NHSL1: variants seen among roughly 807,000 people sequenced by gnomAD.
The protein encoded by NHSL1 is NHS like 1.
NHSL1 carries 48 observed loss-of-function variants against 95.0 expected under a neutral mutation model. That is an observed-to-expected ratio of 0.51 (90% CI 0.40 to 0.64). The LOEUF is 0.64. Among genes scored for constraint, NHSL1 ranks in the 30% least tolerant of loss-of-function variants. The pLI, the probability that NHSL1 is intolerant of heterozygous loss-of-function variation, is 0.00. For missense variants in NHSL1, 1,971 were observed against 2,077.7 expected, an observed-to-expected ratio of 0.95 and a Z score of 1.00; for synonymous variants, 783 against 833.9, an observed-to-expected ratio of 0.94 and a Z score of 1.05.
At chr6:138,496,485 G>T in intron 1 of NHSL1, 114 bp from the exon 2 acceptor site, 1 of 955,628 alleles carries the variant, frequency 1.0e-6, no homozygotes, top group Non-Finnish European at 1.6e-6. Context: ...CAGCAAGGGA[G>T]CAATGGAGCA....
At chr6:138,579,409 CAAAAGT>C (rs954268252) in intron 1 of NHSL1, among the ~76,000 whole-genome samples, 4 of 152,166 alleles carry the variant, frequency 2.6e-5, no homozygotes, top group African/African-American at 9.6e-5. Context: ...TCACAAAAAG[CAAAAGT>C]AAAATGTATA....
chr6:138,430,762 T>C lies in NHSL1; in HGVS notation c.3583A>G (p.Ile1195Val), dbSNP rs762785038. 3.2e-6 allele frequency: 5 copies of C among 1,551,336 alleles called. No individual in the cohort carries two copies. Among genetic ancestry groups the C allele is most frequent in the African/African-American group, 1.4e-5 (1 of 72,944 alleles). ...DSSPSRKPPP[I>V]SKKPKLFLVV... ...AGGAACAGTTTGGGCTTCTTGGAAA[T>C]GGGGGGTGGCTTCCTGCTGGGTGAA... Residue 1195 changes from isoleucine to valine, a missense_variant, in exon 6 of 8, where the codon ATT becomes GTT. By Grantham distance (29) the Ile-to-Val change is conservative. Around this residue, in one of 3 missense-constraint regions of NHSL1, gnomAD observed 1,602 missense variants for 1,654.5 expected, o/e 0.97. Transcript: ENST00000343505. The surrounding 1 kb of genome is among the most constrained non-coding windows in gnomAD (Gnocchi z 4.7).
At chr6:138,507,696 C>T (rs779592799) in intron 1 of NHSL1, among the ~76,000 whole-genome samples, 4 of 152,152 alleles carry the variant, frequency 2.6e-5, no homozygotes, top group Non-Finnish European at 4.4e-5. Flanking sequence ...AACTGTCCCA[C>T]GAATGTTATT....
intron 1 of NHSL1, among the ~76,000 whole-genome samples, chr6:138,683,268 T>C (rs1785537004): frequency 6.6e-6 from 1 of 152,146 alleles, no homozygotes; most frequent in African/African-American, 2.4e-5. Flanking sequence ...AGAGGTATTT[T>C]TGTGTTTATC....
chr6:138,675,524 A>G (rs1785437063), intron 1 of NHSL1, among the ~76,000 whole-genome samples: 1 of 151,736 alleles, frequency 6.6e-6, no homozygotes, highest in South Asian at 2.1e-4. Flanking sequence ...AAATTCTTAC[A>G]TTATTTATTT....
chr6:138,634,747 C>A (rs553113947), intron 1 of NHSL1, among the ~76,000 whole-genome samples: 39 of 151,920 alleles, frequency 2.6e-4, no homozygotes, highest in African/African-American at 9.4e-4. Flanking sequence ...AATACACATT[C>A]TTTTCCTTAT....
rs1422344867 is a variant in NHSL1 at position 138,433,197 on chromosome 6, T to C, written c.1148A>G (p.Lys383Arg). ...CTCGAAGTGTCTCAACTCCTGGGAT[T>C]TGGGTCTCAAAAGTGTTCCAGTCCC... The part of the protein sequence containing the change: ...ASGTGTLLRP[K>R]SQELRHFESE... The change falls in exon 6 of 8, where the codon AAA (lysine) becomes AGA (arginine). Residue 383 changes from lysine (K) to arginine (R), a missense_variant. By Grantham distance (26) the Lys-to-Arg change is conservative (BLOSUM62 2). Transcript: ENST00000343505. 6.4e-7 allele frequency: 1 copy of C among 1,551,122 alleles called. No individual in the cohort carries two copies. The highest frequency in any genetic ancestry group is 8.7e-7 in the Non-Finnish European group (1 of 1,146,694).
intron 1 of NHSL1, among the ~76,000 whole-genome samples, chr6:138,505,962 T>G (rs1259306348): frequency 1.3e-5 from 2 of 152,198 alleles, no homozygotes; most frequent in African/African-American, 4.8e-5. Flanking sequence ...TTAGATGTCA[T>G]CTTTATGCAT....
At chr6:138,602,466 G>A (rs754787347) in intron 1 of NHSL1, among the ~76,000 whole-genome samples, 120 of 152,018 alleles carry the variant, frequency 7.9e-4, no homozygotes, top group Middle Eastern at 6.8e-3. Flanking sequence ...CTCAGCCTCC[G>A]GAGTAGCTGG....
intron 3 of NHSL1, among the ~76,000 whole-genome samples, chr6:138,458,853 A>AT (rs1480087893): frequency 6.6e-6 from 1 of 150,414 alleles, no homozygotes; most frequent in African/African-American, 2.5e-5. Context: ...AAAAAAAAAA[A>AT]CCCAGAAAAA....
chr6:138,612,590 T>C (rs761373516), intron 1 of NHSL1, among the ~76,000 whole-genome samples: 11 of 152,072 alleles, frequency 7.2e-5, no homozygotes, highest in Non-Finnish European at 1.2e-4. Flanking sequence ...AGAGTGAAAA[T>C]ACTGGTCACC....
At chr6:138,525,826 G>A (rs1445102889) in intron 1 of NHSL1, among the ~76,000 whole-genome samples, 2 of 152,084 alleles carry the variant, frequency 1.3e-5, no homozygotes, top group African/African-American at 4.8e-5. Flanking sequence ...GCCAGGCGCA[G>A]TGGCTCACAC....
chr6:138,473,384 A>G lies in NHSL1; in HGVS notation c.261T>C (p.Ser87=), dbSNP rs2128248189. The G allele has an allele frequency of 6.5e-7, 1 of 1,547,548 alleles. No individual in the cohort carries two copies. Among genetic ancestry groups the G allele is most frequent in the East Asian group, 2.5e-5 (1 of 40,646 alleles). Reference sequence around the variant, plus strand: ...CGTTGGCCGCAAAGGTGGGTCCCTGAGAGTAGTACTGAGAACTGCGGTAGC... The same window carrying G: ...CGTTGGCCGCAAAGGTGGGTCCCTGGGAGTAGTACTGAGAACTGCGGTAGC... ...HDGYRSSQYY[S]QGPTFAANAS... Residue 87 remains serine (S), a synonymous_variant, in exon 3 of 8, where the codon TCT becomes TCC. Transcript: ENST00000343505.
upstream of NHSL1, among the ~76,000 whole-genome samples, chr6:138,693,149 C>T (rs776626605): frequency 2.4e-4 from 36 of 151,618 alleles, no homozygotes; most frequent in Non-Finnish European, 4.7e-4. This position sits in a 1 kb window ranked among gnomAD's most constrained non-coding sequence, Gnocchi z 4.3. Context: ...CAGGAAAGCG[C>T]CGGCTGCTCC....
At chr6:138,595,683 T>C (rs976354596) in intron 1 of NHSL1, among the ~76,000 whole-genome samples, 2 of 152,236 alleles carry the variant, frequency 1.3e-5, no homozygotes, top group Non-Finnish European at 1.5e-5. Context: ...TCTCCCTCTT[T>C]CCTTTCTTGA....
chr6:138,500,655 G>A (rs1033239750), upstream of NHSL1, among the ~76,000 whole-genome samples: 2 of 151,058 alleles, frequency 1.3e-5, no homozygotes, highest in African/African-American at 4.8e-5. Context: ...TTATATAAGG[G>A]GCTCTGTCTA....
chr6:138,502,012 G>A (rs9495091), upstream of NHSL1, among the ~76,000 whole-genome samples: 12,186 of 151,908 alleles, frequency 0.08, 948 homozygotes, highest in African/African-American at 0.2. Flanking sequence ...TTGAATCCAC[G>A]GAAGTGGAAC....
At chr6:138,469,875 T>C (rs543032559) in intron 3 of NHSL1, among the ~76,000 whole-genome samples, 1 of 152,228 alleles carries the variant, frequency 6.6e-6, no homozygotes, top group African/African-American at 2.4e-5. Flanking sequence ...GGGTGGCAAG[T>C]GGCTTTTTTG....
chr6:138,574,626 A>G (rs909378863), upstream of NHSL1, among the ~76,000 whole-genome samples: 1 of 151,526 alleles, frequency 6.6e-6, no homozygotes, highest in African/African-American at 2.4e-5. Context: ...TAGGAGTTCA[A>G]GCTCGGCCTG....
Sources: gnomAD v4.1 joint callset for allele counts (sites outside exome capture counted in the v4.1 genomes callset) on GRCh38, gnomAD v4.1.1 for gene constraint, gnomAD v4.1.1 regional missense constraint, Gnocchi (gnomAD v3.1) non-coding constraint, MANE v1.5 for transcripts, NCBI Gene and HGNC (gene_info 2026-07-23, HGNC 2026-07-21) for gene names.